Variants in MAP3K2 observed in about 807,000 individuals in gnomAD.
MAP3K2 encodes MAP/ERK kinase kinase 2.
A neutral mutation model predicts 80.3 loss-of-function variants in MAP3K2; 24 were observed. That is an observed-to-expected ratio of 0.30 (90% CI 0.22 to 0.42). MAP3K2 has a LOEUF of 0.42. MAP3K2 is among the 10% of genes least tolerant of loss of function. The pLI, the probability that MAP3K2 is intolerant of heterozygous loss-of-function variation, is 1.00. For missense variants in MAP3K2, 608 were observed against 750.1 expected, an observed-to-expected ratio of 0.81 and a Z score of 2.21; for synonymous variants, 244 against 253.7, an observed-to-expected ratio of 0.96 and a Z score of 0.36.
rs1686022746 is a variant in MAP3K2, at chr2:127,321,699, A to G, written c.1045+347T>C. On this transcript the variant is annotated intron_variant, in intron 12 of 16. Coordinates refer to ENST00000682094, the MANE Select transcript of MAP3K2 (RefSeq NM_001371910.2). The surrounding 1 kb of genome is among the most constrained non-coding windows in gnomAD (Gnocchi z 4.4). ...TCTACTCACATTTAAATGCTATACAATAATTATTTCTCCATGTATCATCTA... is the reference window on the plus strand; with the variant it reads ...TCTACTCACATTTAAATGCTATACAGTAATTATTTCTCCATGTATCATCTA... Among the ~76,000 whole-genome samples the G allele has an allele frequency of 6.6e-6, 1 of 152,206 alleles. No individual in the cohort carries two copies. Among genetic ancestry groups the G allele is most frequent in the Admixed American group, 6.5e-5 (1 of 15,286 alleles).
At chr2:127,347,325 G>C (rs1686614336) in intron 1 of MAP3K2, among the ~76,000 whole-genome samples, 1 of 152,064 alleles carries the variant, frequency 6.6e-6, no homozygotes. Context: ...CATAATCTTA[G>C]ATACAGGAAA....
At chr2:127,330,057 T>A in intron 6 of MAP3K2, 49 bp from the exon 7 acceptor site, 1 of 1,079,226 alleles carries the variant, frequency 9.3e-7, no homozygotes, top group Non-Finnish European at 1.4e-6. Context: ...CTTGGGGCTT[T>A]AAACAGAATC....
At chr2:127,373,931 TA>T (rs1413547916) in intron 1 of MAP3K2, among the ~76,000 whole-genome samples, 5 of 152,204 alleles carry the variant, frequency 3.3e-5, no homozygotes, top group Non-Finnish European at 5.9e-5. Context: ...ACACAGGCCT[TA>T]TAGGGCATAC....
intron 1 of MAP3K2, among the ~76,000 whole-genome samples, chr2:127,366,384 G>GAAAAAA (rs61497433): frequency 0.045 from 3,916 of 86,974 alleles, 73 homozygotes; most frequent in Middle Eastern, 0.12. Flanking sequence ...CCTATCTCTG[G>GAAAAAA]AAAAAAAAAA....
At position 127,374,259 on chromosome 2, in the gene MAP3K2, G is replaced by T. The variant is rs1687114342; in HGVS notation, c.-66+13193C>A. On this transcript the variant is annotated intron_variant, in intron 1 of 16. Transcript: ENST00000682094. ...AGACGGCCTTCATTAAGACCACTCT[G>T]GAGCCCACCCTGTGTGCACTTTTTC... Among the ~76,000 whole-genome samples, 6 of 152,126 alleles carry T rather than the reference G, an allele frequency of 3.9e-5. No homozygotes were observed. The South Asian group carries it at 1.2e-3, about 32-fold the overall frequency.
chr2:127,299,827 T>C lies in MAP3K2; in HGVS notation c.*7752A>G, dbSNP rs187286533. The C allele has an allele frequency of 9.1e-4, 139 of 152,146 alleles. No individual in the cohort carries two copies. The highest frequency in any genetic ancestry group is 3.4e-3 in the Middle Eastern group (1 of 294). The allele number at this position is 152,146 out of a possible 1,614,324, so 9.4% of individuals were successfully genotyped here. On this transcript the variant is annotated 3_prime_UTR_variant, in exon 17 of 17. Transcript: ENST00000682094. Reference sequence around the variant, plus strand: ...TATAGTAAATAATCTCTCAGAAAGCTTTTATATATATTTAATTATCACAAC... The same window carrying C: ...TATAGTAAATAATCTCTCAGAAAGCCTTTATATATATTTAATTATCACAAC...
At position 127,307,563 on chromosome 2, in the gene MAP3K2, G is replaced by A. The variant is rs1390540119; in HGVS notation, c.*16C>T. 6.5e-7 allele frequency: 1 copy of A among 1,531,864 alleles called. No individual in the cohort carries two copies. The highest frequency in any genetic ancestry group is 2.2e-4 in the Middle Eastern group (1 of 4,642). The allele number at this position is 1,531,864 out of a possible 1,614,324, so 94.9% of individuals were successfully genotyped here. Reference sequence around the variant, plus strand: ...AGATGGGAGCTAGGTAGAGGCACAGGAGAGGTTACTGGCTGCTAGTGATAA... The same window carrying A: ...AGATGGGAGCTAGGTAGAGGCACAGAAGAGGTTACTGGCTGCTAGTGATAA... On this transcript the variant is annotated 3_prime_UTR_variant, in exon 17 of 17. Transcript: ENST00000682094. The surrounding 1 kb of genome is among the most constrained non-coding windows in gnomAD (Gnocchi z 5.4).
intron 1 of MAP3K2, among the ~76,000 whole-genome samples, chr2:127,373,780 A>G (rs1687105171): frequency 6.6e-6 from 1 of 152,234 alleles, no homozygotes; most frequent in Admixed American, 6.5e-5. Context: ...CAGTGAGTCA[A>G]TAAAGTCATC....
At chr2:127,367,657 G>C (rs1224764437) in intron 1 of MAP3K2, among the ~76,000 whole-genome samples, 1 of 152,118 alleles carries the variant, frequency 6.6e-6, no homozygotes, top group Non-Finnish European at 1.5e-5. Context: ...GCCAGGCGTG[G>C]TGGCACATGC....
upstream of MAP3K2, chr2:127,388,053 C>T (rs1329111249): frequency 1.0e-6 from 1 of 983,676 alleles, no homozygotes; most frequent in Non-Finnish European, 1.2e-6. Context: ...GCGGAACCCG[C>T]CGCGGGCGCG....
In MAP3K2 at chr2:127,324,004, CAT is replaced by C; in HGVS notation, c.746-12_746-11del. ...ATAGGGTTATCATAGTCTGTTAAGA[CAT>C]ATAAGATGGTTATCTTTTATTTAAA... On this transcript the variant is annotated splice_polypyrimidine_tract_variant and intron_variant, in intron 10 of 16. Transcript: ENST00000682094. The C allele has an allele frequency of 1.5e-6, 2 of 1,290,324 alleles. No homozygotes were observed. Among genetic ancestry groups the C allele is most frequent in the Non-Finnish European group, 1.1e-6 (1 of 923,630 alleles). 79.9% of individuals were successfully genotyped at this position (1,290,324 alleles called of 1,614,324 possible). A position where few individuals can be genotyped will look rare whatever the true frequency, so the allele number is the denominator to read the frequency against.
rs1238111237 is a variant in MAP3K2, at chr2:127,306,328, T to C, written c.*1251A>G. ...TTGAGGCTGCTTTCCTTGTGTATTA[T>C]AATCTATTTAGCAACATCCCTGGCC... On this transcript the variant is annotated 3_prime_UTR_variant, in exon 17 of 17. Coordinates refer to ENST00000682094, the MANE Select transcript of MAP3K2 (RefSeq NM_001371910.2). The surrounding 1 kb of genome is among the most constrained non-coding windows in gnomAD (Gnocchi z 4.7). 7 of 152,202 alleles carry C rather than the reference T, an allele frequency of 4.6e-5. No homozygotes were observed. The highest frequency in any genetic ancestry group is 1.0e-4 in the Non-Finnish European group (7 of 68,026). The allele number at this position is 152,202 out of a possible 1,614,324, so 9.4% of individuals were successfully genotyped here.
intron 16 of MAP3K2, among the ~76,000 whole-genome samples, chr2:127,308,287 C>T (rs927908833): frequency 6.6e-5 from 10 of 152,104 alleles, no homozygotes; most frequent in African/African-American, 2.4e-4. Context: ...TTTTAAAGGT[C>T]TTTAGACAAA....
intron 1 of MAP3K2, among the ~76,000 whole-genome samples, chr2:127,353,171 T>C (rs1042233627): frequency 1.3e-5 from 2 of 150,652 alleles, no homozygotes; most frequent in Non-Finnish European, 3.0e-5. Context: ...TCGTCTGGGA[T>C]GTGAGGAGCC....
At chr2:127,366,272 G>A (rs995446612) in intron 1 of MAP3K2, among the ~76,000 whole-genome samples, 3 of 151,926 alleles carry the variant, frequency 2.0e-5, no homozygotes, top group Non-Finnish European at 4.4e-5. Flanking sequence ...GGTTAGCCAG[G>A]TGTGGTCGTG....
rs894735940 is a variant in MAP3K2 at position 127,305,958 on chromosome 2, T to C, written c.*1621A>G. ...TTTTTTTTTTTTTTGCCCAAAATCA[T>C]GAATTTTAAGGAAAGAATATATAGA... On this transcript the variant is annotated 3_prime_UTR_variant, in exon 17 of 17. Coordinates refer to ENST00000682094, the MANE Select transcript of MAP3K2 (RefSeq NM_001371910.2). The C allele has an allele frequency of 4.6e-5, 7 of 150,938 alleles. 1 individual carries two copies. 9.3% of individuals were successfully genotyped at this position (150,938 alleles called of 1,614,324 possible). A position where few individuals can be genotyped will look rare whatever the true frequency, so the allele number is the denominator to read the frequency against.
chr2:127,322,916 G>C lies in MAP3K2; in HGVS notation c.839-664C>G, dbSNP rs1686054983. ...GGCCAGTAATTTTTTTTCTTAAAGG[G>C]ATGATGTAAGTATCAATCTCATCAT... On this transcript the variant is annotated intron_variant, in intron 11 of 16. Transcript: ENST00000682094. The surrounding 1 kb of genome is among the most constrained non-coding windows in gnomAD (Gnocchi z 4.2). Among the ~76,000 whole-genome samples, 1 of 151,196 alleles carries C rather than the reference G, an allele frequency of 6.6e-6. No homozygotes were observed. The highest frequency in any genetic ancestry group is 1.5e-5 in the Non-Finnish European group (1 of 67,796).
rs531512621 is a variant in MAP3K2, at chr2:127,309,763, GT to G, written c.1457-1002del. The stretch of plus-strand genomic sequence containing the variant: ...CATGTTCTCATAACGGGGGTTGTAA[GT>G]TTTTTGGAGGAAGACCGCAGCTAAA... On this transcript the variant is annotated intron_variant, in intron 15 of 16. Coordinates refer to ENST00000682094, the MANE Select transcript of MAP3K2 (RefSeq NM_001371910.2). Among the ~76,000 whole-genome samples the G allele has an allele frequency of 5.7e-3, 872 of 152,240 alleles. 6 individuals carry two copies. The highest frequency in any genetic ancestry group is 8.0e-3 in the Non-Finnish European group (543 of 68,008).
intron 14 of MAP3K2, among the ~76,000 whole-genome samples, chr2:127,316,391 T>C (rs1302113825): frequency 6.6e-6 from 1 of 152,094 alleles, no homozygotes; most frequent in Non-Finnish European, 1.5e-5. Context: ...CAAATAAAAA[T>C]TATGGAAATG....
Sources: allele counts gnomAD v4.1 joint callset (sites outside exome capture counted in the v4.1 genomes callset), GRCh38; gene constraint gnomAD v4.1.1; non-coding constraint Gnocchi (gnomAD v3.1); transcripts MANE v1.5; gene names NCBI Gene and HGNC (gene_info 2026-07-23, HGNC 2026-07-21).